ATG4C: variants seen among roughly 807,000 people sequenced by gnomAD.
The protein encoded by ATG4C is autophagy related 4C cysteine peptidase, also known as cysteine protease ATG4C.
A neutral mutation model predicts 57.6 loss-of-function variants in ATG4C; 56 were observed. That is an observed-to-expected ratio of 0.97 (90% CI 0.78 to 1.21). The LOEUF (loss-of-function observed/expected upper bound fraction) is 1.21. Ranked by LOEUF, ATG4C falls within the 50% of genes most tolerant of loss-of-function variation. The pLI, the probability that ATG4C is intolerant of heterozygous loss-of-function variation, is 0.00. For missense variants in ATG4C, 595 were observed against 529.8 expected, an observed-to-expected ratio of 1.12 and a Z score of -1.21; for synonymous variants, 157 against 174.1, an observed-to-expected ratio of 0.90 and a Z score of 0.78.
At chr1:62,829,266 G>A in intron 7 of ATG4C, 90 bp downstream of exon 7, 1 of 1,418,782 alleles carries the variant, frequency 7.0e-7, no homozygotes. Flanking sequence ...TAAATGAGTA[G>A]TGATGATTTT....
At chr1:62,847,826 G>A (rs1666374869) in intron 10 of ATG4C, among the ~76,000 whole-genome samples, 1 of 152,124 alleles carries the variant, frequency 6.6e-6, no homozygotes, top group South Asian at 2.1e-4. Context: ...AAATGGTCCG[G>A]GAGAGTTGAG....
At chr1:62,786,270 C>G (rs993296302) in intron 1 of ATG4C, among the ~76,000 whole-genome samples, 1 of 152,192 alleles carries the variant, frequency 6.6e-6, no homozygotes, top group African/African-American at 2.4e-5. Flanking sequence ...ACCAGACACT[C>G]TTCAAGGTGC....
intron 1 of ATG4C, among the ~76,000 whole-genome samples, chr1:62,788,215 G>T (rs917713997): frequency 3.3e-5 from 5 of 152,066 alleles, no homozygotes; most frequent in African/African-American, 9.7e-5. Flanking sequence ...AGAGTAGTTA[G>T]GCTTTATGAA....
chr1:62,821,612 A>G (rs376507553), intron 6 of ATG4C, among the ~76,000 whole-genome samples: 170 of 152,206 alleles, frequency 1.1e-3, no homozygotes, highest in African/African-American at 3.9e-3. Context: ...ATCATCTACT[A>G]ATGATGCAGC....
chr1:62,808,388 A>T (rs1032536931), intron 3 of ATG4C, among the ~76,000 whole-genome samples: 1 of 152,012 alleles, frequency 6.6e-6, no homozygotes, highest in African/African-American at 2.4e-5. Context: ...AAATTCGGGT[A>T]TGTGTTATTT....
chr1:62,808,568 C>T lies in ATG4C; in HGVS notation c.160+3313C>T, dbSNP rs1664955881. Among the ~76,000 whole-genome samples the T allele has an allele frequency of 2.0e-5, 3 of 151,864 alleles. No homozygotes were observed. The South Asian group carries it at 6.2e-4, about 32-fold the overall frequency. On this transcript the variant is annotated intron_variant, in intron 3 of 10. Transcript: ENST00000317868. ...GAAGAAGAAGGATCAGTGAATTAAACTGAGAAAGGAAAGGCAATGTATAGC... is the reference window on the plus strand; with the variant it reads ...GAAGAAGAAGGATCAGTGAATTAAATTGAGAAAGGAAAGGCAATGTATAGC...
intron 9 of ATG4C, among the ~76,000 whole-genome samples, chr1:62,839,632 C>A (rs1164951293): frequency 1.3e-5 from 2 of 152,114 alleles, no homozygotes; most frequent in Non-Finnish European, 2.9e-5. Context: ...TGTTAACTAA[C>A]CAGTTTGTTT....
chr1:62,853,421 G>A (rs1049307895), intron 10 of ATG4C, among the ~76,000 whole-genome samples: 6 of 152,174 alleles, frequency 3.9e-5, no homozygotes, highest in Non-Finnish European at 8.8e-5. Context: ...GTTTATAGGA[G>A]CACTAACGTG....
At chr1:62,811,829 T>G (rs1182371401) in intron 3 of ATG4C, among the ~76,000 whole-genome samples, 1 of 152,222 alleles carries the variant, frequency 6.6e-6, no homozygotes, top group Non-Finnish European at 1.5e-5. Context: ...TCTTGGAAAC[T>G]GCAACTTTAA....
At chr1:62,813,562 C>A (rs1665162766) in intron 3 of ATG4C, among the ~76,000 whole-genome samples, 1 of 152,088 alleles carries the variant, frequency 6.6e-6, no homozygotes. Context: ...GTCTAAAACA[C>A]CAAAAGCAAT....
intron 7 of ATG4C, among the ~76,000 whole-genome samples, chr1:62,832,562 A>G (rs1665875875): frequency 6.6e-6 from 1 of 152,130 alleles, no homozygotes; most frequent in Non-Finnish European, 1.5e-5. Context: ...GATTTTTGAT[A>G]CAATTTTATC....
At chr1:62,812,789 C>T (rs1665130371) in intron 3 of ATG4C, among the ~76,000 whole-genome samples, 2 of 152,154 alleles carry the variant, frequency 1.3e-5, no homozygotes, top group Admixed American at 1.3e-4. Context: ...AATACAAAAT[C>T]AATGTGCAAA....
intron 10 of ATG4C, among the ~76,000 whole-genome samples, chr1:62,852,429 A>C (rs1666544288): frequency 6.6e-6 from 1 of 152,206 alleles, no homozygotes; most frequent in Non-Finnish European, 1.5e-5. Flanking sequence ...TTATTTGGGA[A>C]CCTGCTGTAA....
chr1:62,838,536 G>A (rs1207055706), intron 9 of ATG4C, among the ~76,000 whole-genome samples: 4 of 152,108 alleles, frequency 2.6e-5, no homozygotes, highest in Admixed American at 2.6e-4. Context: ...CCTCCACTTT[G>A]GGAGGCCAAG....
chr1:62,799,591 A>G (rs530698957), intron 1 of ATG4C, among the ~76,000 whole-genome samples: 1 of 152,248 alleles, frequency 6.6e-6, no homozygotes, highest in South Asian at 2.1e-4. Flanking sequence ...TGTTTCATTA[A>G]TTTCTGTATC....
At chr1:62,822,995 A>G (rs1665530788) in intron 6 of ATG4C, among the ~76,000 whole-genome samples, 1 of 152,130 alleles carries the variant, frequency 6.6e-6, no homozygotes, top group South Asian at 2.1e-4. Context: ...TCACTACAAA[A>G]AATACAAAAT....
intron 1 of ATG4C, among the ~76,000 whole-genome samples, chr1:62,788,032 A>G (rs188510647): frequency 1.2e-4 from 18 of 152,322 alleles, no homozygotes; most frequent in Admixed American, 5.2e-4. Context: ...CAGATACACC[A>G]GCACATAACA....
At chr1:62,818,931 A>C (rs1415377089) in intron 4 of ATG4C, 74 bp from the exon 5 acceptor site, 1 of 1,187,752 alleles carries the variant, frequency 8.4e-7, no homozygotes, top group East Asian at 2.4e-5. Context: ...CTTAAATGCT[A>C]CGTATTTATT....
At chr1:62,841,574 G>A in intron 10 of ATG4C, 27 bp downstream of exon 10, 1 of 1,506,718 alleles carries the variant, frequency 6.6e-7, no homozygotes, top group Non-Finnish European at 8.9e-7. Context: ...TATTATATTT[G>A]TAAATGACCT....
Sources: allele counts gnomAD v4.1 joint callset (sites outside exome capture counted in the v4.1 genomes callset), GRCh38; gene constraint gnomAD v4.1.1; transcripts MANE v1.5; gene names NCBI Gene and HGNC (gene_info 2026-07-23, HGNC 2026-07-21).